ME1: variants seen among roughly 807,000 people sequenced by gnomAD.
ME1 encodes the protein malic enzyme 1.
In ME1, 74 loss-of-function variants were observed where a neutral mutation model predicts 66.4. The observed-to-expected ratio is 1.11, with a 90% CI of 0.92 to 1.35. The LOEUF is 1.35. Among genes scored for constraint, ME1 ranks in the 40% most tolerant of loss-of-function variants. The probability of loss-of-function intolerance (pLI) is 0.00; values close to 1 mark genes in which losing one functional copy is unlikely to be tolerated. For synonymous variants in ME1, 251 were observed against 235.6 expected, an observed-to-expected ratio of 1.07 and a Z score of -0.60; for missense variants, 750 against 694.1, an observed-to-expected ratio of 1.08 and a Z score of -0.90.
At chr6:83,353,220 AT>A (rs920951945) in intron 3 of ME1, among the ~76,000 whole-genome samples, 1 of 152,128 alleles carries the variant, frequency 6.6e-6, no homozygotes, top group Non-Finnish European at 1.5e-5. Flanking sequence ...TTTATGTTCA[AT>A]TTTTTTGGAC....
At chr6:83,392,914 A>G in intron 3 of ME1, 1 of 806,278 alleles carries the variant, frequency 1.2e-6, no homozygotes, top group Non-Finnish European at 2.2e-6. Flanking sequence ...ATCCATGACA[A>G]CTTTGGTACC....
chr6:83,305,357 G>T (rs1767805101), intron 6 of ME1, among the ~76,000 whole-genome samples: 1 of 152,058 alleles, frequency 6.6e-6, no homozygotes. Context: ...AAAAGGAAAA[G>T]TAGAGCAAAA....
At chr6:83,367,170 T>C (rs908744532) in intron 3 of ME1, among the ~76,000 whole-genome samples, 5 of 151,298 alleles carry the variant, frequency 3.3e-5, no homozygotes, top group African/African-American at 9.8e-5. Flanking sequence ...GAAAATAATC[T>C]TTTTTTTTCT....
At chr6:83,389,530 T>C (rs1420429579) in intron 3 of ME1, among the ~76,000 whole-genome samples, 2 of 152,072 alleles carry the variant, frequency 1.3e-5, no homozygotes, top group East Asian at 1.9e-4. Context: ...AGTAGGAACA[T>C]GAATAATTGC....
At chr6:83,312,788 T>C (rs1767955472) in intron 6 of ME1, among the ~76,000 whole-genome samples, 1 of 152,156 alleles carries the variant, frequency 6.6e-6, no homozygotes, top group Non-Finnish European at 1.5e-5. Context: ...AGTCTTGCTC[T>C]GTTGCCCAGG....
intron 7 of ME1, among the ~76,000 whole-genome samples, chr6:83,246,088 G>A (rs117580692): frequency 0.017 from 2,554 of 152,196 alleles, 37 homozygotes; most frequent in Non-Finnish European, 0.024. Flanking sequence ...GTGACATAAT[G>A]AAGAATGTCA....
intron 7 of ME1, among the ~76,000 whole-genome samples, chr6:83,252,754 A>G (rs1398933623): frequency 6.6e-6 from 1 of 152,192 alleles, no homozygotes; most frequent in Non-Finnish European, 1.5e-5. Flanking sequence ...TTAAAAATGA[A>G]GTGTTTTGTC....
intron 9 of ME1, among the ~76,000 whole-genome samples, chr6:83,234,779 T>TA (rs1309168358): frequency 6.6e-6 from 1 of 152,112 alleles, no homozygotes; most frequent in African/African-American, 2.4e-5. Flanking sequence ...CAGGTTTGTT[T>TA]AATTGCTCAT....
intron 11 of ME1, among the ~76,000 whole-genome samples, chr6:83,226,682 T>C (rs1180558085): frequency 6.6e-6 from 1 of 152,174 alleles, no homozygotes; most frequent in African/African-American, 2.4e-5. Context: ...TTTACCTCTC[T>C]AGTTCATTTT....
intron 9 of ME1, among the ~76,000 whole-genome samples, chr6:83,229,443 G>A (rs372476695): frequency 1.2e-4 from 19 of 152,086 alleles, no homozygotes; most frequent in African/African-American, 3.4e-4. Context: ...TTATGAATGC[G>A]CCATGTGTTA....
At chr6:83,265,810 C>T (rs34326691) in intron 6 of ME1, among the ~76,000 whole-genome samples, 10,712 of 152,228 alleles carry the variant, frequency 0.07, 460 homozygotes, top group Admixed American at 0.096. Flanking sequence ...CTACTTTCAA[C>T]TACAAGGTGA....
chr6:83,272,621 G>A (rs1350623711), intron 6 of ME1, among the ~76,000 whole-genome samples: 2 of 152,114 alleles, frequency 1.3e-5, no homozygotes, highest in East Asian at 3.8e-4. Context: ...CGGGTGATTG[G>A]AAAGGCAATG....
chr6:83,425,867 C>T (rs922310350), intron 1 of ME1, among the ~76,000 whole-genome samples: 1 of 152,028 alleles, frequency 6.6e-6, no homozygotes, highest in Non-Finnish European at 1.5e-5. Flanking sequence ...TATTATATTA[C>T]CTGACTTCCT....
chr6:83,272,473 TATA>T (rs1767101175), intron 6 of ME1, among the ~76,000 whole-genome samples: 1 of 152,178 alleles, frequency 6.6e-6, no homozygotes, highest in Non-Finnish European at 1.5e-5. Flanking sequence ...AATTGAGGTA[TATA>T]ATATTTTTAA....
At chr6:83,414,648 G>A (rs1046438490) in intron 1 of ME1, among the ~76,000 whole-genome samples, 1 of 152,068 alleles carries the variant, frequency 6.6e-6, no homozygotes, top group Non-Finnish European at 1.5e-5. Flanking sequence ...ACCTAAGAGA[G>A]CAAATGGGTT....
At chr6:83,396,852 C>T (rs1262472419) in intron 3 of ME1, among the ~76,000 whole-genome samples, 1 of 152,068 alleles carries the variant, frequency 6.6e-6, no homozygotes, top group Non-Finnish European at 1.5e-5. Flanking sequence ...CATGCATTTG[C>T]AGTCAACTGA....
chr6:83,353,450 T>G (rs564319030), intron 3 of ME1, among the ~76,000 whole-genome samples: 2 of 152,292 alleles, frequency 1.3e-5, no homozygotes, highest in East Asian at 3.9e-4. Context: ...AAGGATACGG[T>G]TGATATAGAA....
intron 6 of ME1, among the ~76,000 whole-genome samples, chr6:83,298,543 T>C (rs1001797958): frequency 3.2e-4 from 48 of 152,362 alleles, no homozygotes; most frequent in African/African-American, 1.1e-3. Flanking sequence ...ATAGTTTCTT[T>C]TGCTGTGCAG....
At chr6:83,230,961 T>G (rs1415735356) in intron 9 of ME1, among the ~76,000 whole-genome samples, 1 of 151,950 alleles carries the variant, frequency 6.6e-6, no homozygotes, top group Non-Finnish European at 1.5e-5. Context: ...AAAGAAATGA[T>G]TAGCCAGTTT....
Sources: allele counts gnomAD v4.1 joint callset (sites outside exome capture counted in the v4.1 genomes callset), GRCh38; gene constraint gnomAD v4.1.1; transcripts MANE v1.5; gene names NCBI Gene and HGNC (gene_info 2026-07-23, HGNC 2026-07-21).